Variants in ZNF831 observed in about 807,000 individuals in gnomAD.
The protein encoded by ZNF831 is zinc finger protein 831.
Under a neutral mutation model 95.8 loss-of-function variants are expected in ZNF831, and 59 were observed. That is an observed-to-expected ratio of 0.62 (90% CI 0.50 to 0.77). The LOEUF is 0.77. ZNF831 is among the 30% of genes least tolerant of loss of function. The pLI is 0.00. For missense variants in ZNF831, 2,205 were observed against 2,164.0 expected (o/e 1.02, Z -0.38); for synonymous variants, 961 against 925.5 (o/e 1.04, Z -0.70).
At chr20:59,206,681 T>C (rs965321978) in intron 3 of ZNF831, among the ~76,000 whole-genome samples, 3 of 152,232 alleles carry the variant, frequency 2.0e-5, no homozygotes, top group African/African-American at 7.2e-5. Context: ...GGGAAGCATT[T>C]TGTGACCACC....
chr20:59,175,189 C>T (rs773288733), intron 1 of ZNF831, among the ~76,000 whole-genome samples: 17 of 117,184 alleles, frequency 1.5e-4, no homozygotes, highest in African/African-American at 2.0e-4. Context: ...TTGACTATGA[C>T]GTGCTTTGGT....
Position 59,194,390 on chromosome 20 carries a change from C to A in ZNF831, c.3371C>A (p.Pro1124Gln), listed in dbSNP as rs543999460. 3 of 1,609,694 alleles carry A rather than the reference C, an allele frequency of 1.9e-6. No homozygotes were observed. The highest frequency in any genetic ancestry group is 2.7e-5 in the African/African-American group (2 of 74,962). ...PSSGPLVGPD[P>Q]CSPLQPGSFL... ...TCAGGGCCCCTGGTGGGCCCCGACCCGTGTTCCCCCCTCCAGCCTGGCTCC... is the reference window on the plus strand; with the variant it reads ...TCAGGGCCCCTGGTGGGCCCCGACCAGTGTTCCCCCCTCCAGCCTGGCTCC... The change falls in exon 2 of 6, where the codon CCG (proline) becomes CAG (glutamine). Residue 1124 changes from proline (P) to glutamine (Q), a missense_variant. Coordinates refer to ENST00000371030, the MANE Select transcript of ZNF831 (RefSeq NM_178457.3).
At chr20:59,203,626 T>G (rs536653436) in intron 3 of ZNF831, among the ~76,000 whole-genome samples, 4 of 152,390 alleles carry the variant, frequency 2.6e-5, no homozygotes, top group African/African-American at 9.6e-5. Context: ...TAATCCACTT[T>G]TGCCCACTTA....
upstream of ZNF831, among the ~76,000 whole-genome samples, chr20:59,163,014 G>GGGGTGT (rs1555820105): frequency 3.7e-5 from 5 of 136,458 alleles, no homozygotes; most frequent in African/African-American, 1.4e-4. Context: ...TGTATTCCTA[G>GGGGTGT]GTGTGTGTGT....
chr20:59,250,658 C>G (rs1302226427), intron 4 of ZNF831, among the ~76,000 whole-genome samples: 1 of 152,070 alleles, frequency 6.6e-6, no homozygotes, highest in Non-Finnish European at 1.5e-5. Flanking sequence ...ACAACAACAA[C>G]CCATTATTAA....
rs761043268 is a variant in ZNF831, at chr20:59,258,993, T to G, written c.*4250T>G. ...TATATGCGGTCAACTGTTCAGGATTTACTACTCAATTGGTTGTTCACAATC... is the reference window on the plus strand; with the variant it reads ...TATATGCGGTCAACTGTTCAGGATTGACTACTCAATTGGTTGTTCACAATC... On this transcript the variant is annotated 3_prime_UTR_variant, in exon 6 of 6. Coordinates refer to ENST00000371030, the MANE Select transcript of ZNF831 (RefSeq NM_178457.3). The G allele has an allele frequency of 6.6e-6, 1 of 152,236 alleles. No individual in the cohort carries two copies. The highest frequency in any genetic ancestry group is 1.5e-5 in the Non-Finnish European group (1 of 68,036). The allele number at this position is 152,236 out of a possible 1,614,324, so 9.4% of individuals were successfully genotyped here.
rs1167709447 is a variant in ZNF831, at chr20:59,254,000, A to C, written c.4291A>C (p.Asn1431His). The change falls in exon 6 of 6, where the codon AAT becomes CAT. Residue 1431 changes from asparagine to histidine, a missense_variant. Coordinates refer to ENST00000371030, the MANE Select transcript of ZNF831 (RefSeq NM_178457.3). ...ATCTGACACCTGCCTGGCAGTGGTT[A>C]ATGACGTGCCTCTACCCCCTGGCAA... ...LQSDTCLAVV[N>H]DVPLPPGKGL... 1.9e-6 allele frequency: 3 copies of C among 1,613,964 alleles called. No individual in the cohort carries two copies. The East Asian group carries it at 6.7e-5, about 36-fold the overall frequency.
chr20:59,257,873 T>A lies in ZNF831; in HGVS notation c.*3130T>A, dbSNP rs1488357957. On this transcript the variant is annotated 3_prime_UTR_variant, in exon 6 of 6. Transcript: ENST00000371030. ...TATCAAAAGTGACATTTCCCCATGA[T>A]GTTCAAGACTCACCAGGTTTCTCTC... 2.6e-5 allele frequency: 4 copies of A among 152,198 alleles called. No homozygotes were observed. In the East Asian group the frequency reaches 7.7e-4, roughly 29 times the overall value. The allele number at this position is 152,198 out of a possible 1,614,324, so 9.4% of individuals were successfully genotyped here.
At chr20:59,224,058 C>T (rs913687582) in intron 4 of ZNF831, among the ~76,000 whole-genome samples, 8 of 152,210 alleles carry the variant, frequency 5.3e-5, no homozygotes, top group Non-Finnish European at 7.3e-5. Flanking sequence ...CGGGGAAACA[C>T]GTCCTTCTTT....
intron 1 of ZNF831, among the ~76,000 whole-genome samples, chr20:59,170,898 G>A (rs1981677443): frequency 6.6e-6 from 1 of 152,216 alleles, no homozygotes; most frequent in Admixed American, 6.5e-5. Flanking sequence ...CAGGTGGGAG[G>A]TGGCAGGCAA....
At chr20:59,144,474 G>C (rs1979776661) in intron 1 of ZNF831, among the ~76,000 whole-genome samples, 1 of 152,192 alleles carries the variant, frequency 6.6e-6, no homozygotes, top group Non-Finnish European at 1.5e-5. Flanking sequence ...CTAGCACCCT[G>C]CCCTAGTTAT....
chr20:59,135,767 G>T (rs148603088), intron 1 of ZNF831, among the ~76,000 whole-genome samples: 22 of 152,178 alleles, frequency 1.4e-4, no homozygotes, highest in Non-Finnish European at 3.1e-4. Context: ...GCATGATGGT[G>T]CATGCCTGTG....
At chr20:59,224,657 T>C (rs1320597165) in intron 4 of ZNF831, among the ~76,000 whole-genome samples, 12 of 152,200 alleles carry the variant, frequency 7.9e-5, no homozygotes. Context: ...TTTCGATTGT[T>C]TCTTAAAATG....
intron 1 of ZNF831, among the ~76,000 whole-genome samples, chr20:59,144,822 GC>G (rs1354727131): frequency 1.3e-5 from 2 of 152,188 alleles, no homozygotes; most frequent in Admixed American, 6.5e-5. Context: ...TGTGTTTCAG[GC>G]TTCTGTTCTT....
At chr20:59,126,934 G>A (rs1979190816) in intron 1 of ZNF831, among the ~76,000 whole-genome samples, 1 of 152,162 alleles carries the variant, frequency 6.6e-6, no homozygotes, top group Non-Finnish European at 1.5e-5. Flanking sequence ...GTGTGGCTTT[G>A]AGCGCCTGTT....
chr20:59,187,534 A>AT (rs1417070515), intron 1 of ZNF831, among the ~76,000 whole-genome samples: 1 of 152,156 alleles, frequency 6.6e-6, no homozygotes, highest in Non-Finnish European at 1.5e-5. Flanking sequence ...AATCTAGGGT[A>AT]TTTTTGTTAT....
intron 1 of ZNF831, among the ~76,000 whole-genome samples, chr20:59,170,353 G>A (rs1981628287): frequency 6.6e-6 from 1 of 152,118 alleles, no homozygotes; most frequent in Non-Finnish European, 1.5e-5. Flanking sequence ...ACACGTCAGT[G>A]TATTTTTTGA....
chr20:59,254,480 C>A lies in ZNF831; in HGVS notation c.4771C>A (p.Pro1591Thr), dbSNP rs267606026. Residue 1591 changes from proline (P) to threonine (T), a missense_variant, in exon 6 of 6, where the codon CCT becomes ACT. Coordinates refer to ENST00000371030, the MANE Select transcript of ZNF831 (RefSeq NM_178457.3). The surrounding 1 kb of genome is among the most constrained non-coding windows in gnomAD (Gnocchi z 4.5). ...GGAAGGGAGACACAAGACGTTTTTT[C>A]CTTCCAGAGGCCAGTATGGGTGTGG... ...HKEGRHKTFF[P>T]SRGQYGCGEM... The A allele has an allele frequency of 2.5e-6, 4 of 1,614,066 alleles. No homozygotes were observed. The highest frequency in any genetic ancestry group is 2.5e-6 in the Non-Finnish European group (3 of 1,179,994).
intron 4 of ZNF831, among the ~76,000 whole-genome samples, chr20:59,245,399 C>G (rs866787057): frequency 1.3e-5 from 2 of 152,170 alleles, no homozygotes; most frequent in Non-Finnish European, 2.9e-5. Context: ...TGCTGTTTGG[C>G]CATCCCCAGG....
Sources: allele counts gnomAD v4.1 joint callset (sites outside exome capture counted in the v4.1 genomes callset), GRCh38; gene constraint gnomAD v4.1.1; non-coding constraint Gnocchi (gnomAD v3.1); transcripts MANE v1.5; gene names NCBI Gene and HGNC (gene_info 2026-07-23, HGNC 2026-07-21).